ZNF536: variants seen among roughly 807,000 people sequenced by gnomAD.
The protein encoded by ZNF536 is zinc finger protein 536.
ZNF536 carries 13 observed loss-of-function variants against 84.5 expected under a neutral mutation model. That is an observed-to-expected ratio of 0.15 (90% confidence interval 0.10 to 0.24). The LOEUF (loss-of-function observed/expected upper bound fraction) is 0.24, where lower values mean the gene tolerates loss of function less well. ZNF536 is among the 10% of genes least tolerant of loss of function. The pLI, the probability that ZNF536 is intolerant of heterozygous loss-of-function variation, is 1.00. For synonymous variants in ZNF536, 811 were observed against 742.5 expected (o/e 1.09, Z -1.50); for missense variants, 1,536 against 1,747.5 (o/e 0.88, Z 2.16).
intron 1 of ZNF536, among the ~76,000 whole-genome samples, chr19:30,620,612 C>A (rs1326583113): frequency 6.6e-6 from 1 of 152,132 alleles, no homozygotes; most frequent in African/African-American, 2.4e-5. Flanking sequence ...AAATGTCATC[C>A]CCATGTGTTG....
chr19:30,506,742 G>A (rs1395362483), intron 2 of ZNF536, among the ~76,000 whole-genome samples: 1 of 152,122 alleles, frequency 6.6e-6, no homozygotes, highest in Admixed American at 6.5e-5. Context: ...CCACAACTAG[G>A]TTTTATTTTG....
At chr19:30,660,810 G>A (rs921393892) in intron 1 of ZNF536, among the ~76,000 whole-genome samples, 1 of 152,222 alleles carries the variant, frequency 6.6e-6, no homozygotes, top group Non-Finnish European at 1.5e-5. Context: ...CAGATGGTGT[G>A]AGTTTCAGTG....
At chr19:30,660,570 C>T (rs925678880) in intron 1 of ZNF536, among the ~76,000 whole-genome samples, 6 of 152,200 alleles carry the variant, frequency 3.9e-5, no homozygotes, top group Non-Finnish European at 7.3e-5. Flanking sequence ...ATATCTATCA[C>T]CGTTATATTT....
Position 30,691,953 on chromosome 19 carries a change from C to T in ZNF536, c.170-18804C>T, listed in dbSNP as rs548452964. Among the ~76,000 whole-genome samples, 7 of 152,324 alleles carry T rather than the reference C, an allele frequency of 4.6e-5. No individual in the cohort carries two copies. The East Asian group carries it at 1.4e-3, about 29-fold the overall frequency. ...GCATCACCCCTGCCTGCAGCCTCTG[C>T]CCGGGCCTCCACCTCCCCTCCAGAG... On this transcript the variant is annotated intron_variant, in intron 1 of 1. Coordinates refer to the ZNF536 transcript ENST00000592773.
At chr19:30,679,346 C>T (rs1454489502) in intron 1 of ZNF536, among the ~76,000 whole-genome samples, 5 of 152,290 alleles carry the variant, frequency 3.3e-5, no homozygotes, top group African/African-American at 7.2e-5. Context: ...GGCCCTGGGC[C>T]GGGAAGGAAG....
At chr19:30,692,617 C>T (rs2051457840) in intron 1 of ZNF536, among the ~76,000 whole-genome samples, 1 of 152,196 alleles carries the variant, frequency 6.6e-6, no homozygotes, top group African/African-American at 2.4e-5. Flanking sequence ...CTGCCATGGG[C>T]GAAATCCGTC....
intron 2 of ZNF536, among the ~76,000 whole-genome samples, chr19:30,305,449 G>A (rs1274071448): frequency 6.6e-6 from 1 of 152,178 alleles, no homozygotes; most frequent in African/African-American, 2.4e-5. Flanking sequence ...GGCAAATGGA[G>A]GTGTGATCTG....
chr19:30,700,209 T>TTCC (rs879496157), intron 1 of ZNF536, among the ~76,000 whole-genome samples: 2 of 122,188 alleles, frequency 1.6e-5, no homozygotes, highest in African/African-American at 6.4e-5. Flanking sequence ...TCCTTCTTTC[T>TTCC]TTCCTTCTTT....
intron 1 of ZNF536, among the ~76,000 whole-genome samples, chr19:30,642,579 G>A (rs192020322): frequency 6.0e-4 from 91 of 152,332 alleles, no homozygotes; most frequent in African/African-American, 1.9e-3. Context: ...AACTCAAGGC[G>A]TGAGCTGAGC....
chr19:30,278,114 T>C (rs1239943872), intron 1 of ZNF536, among the ~76,000 whole-genome samples: 3 of 152,170 alleles, frequency 2.0e-5, no homozygotes, highest in Non-Finnish European at 4.4e-5. Context: ...CAACTGAGAT[T>C]GAAGGGACAG....
At chr19:30,371,493 CA>C (rs1475976706), upstream of ZNF536, among the ~76,000 whole-genome samples, 1 of 151,834 alleles carries the variant, frequency 6.6e-6, no homozygotes, top group Non-Finnish European at 1.5e-5. Flanking sequence ...GCGTTTGGGC[CA>C]AAAGTCAAGC....
intron 1 of ZNF536, among the ~76,000 whole-genome samples, chr19:30,579,369 T>C (rs2046844130): frequency 6.6e-6 from 1 of 152,192 alleles, no homozygotes; most frequent in Non-Finnish European, 1.5e-5. Context: ...GCTCAACTGA[T>C]CTTCACTGGA....
intron 2 of ZNF536, among the ~76,000 whole-genome samples, chr19:30,483,968 C>T (rs1568475339): frequency 6.6e-6 from 1 of 151,986 alleles, no homozygotes; most frequent in Non-Finnish European, 1.5e-5. Flanking sequence ...TACTGGAAAT[C>T]CCCCTCTACC....
At chr19:30,584,151 G>C (rs2047017380) in intron 1 of ZNF536, among the ~76,000 whole-genome samples, 1 of 152,028 alleles carries the variant, frequency 6.6e-6, no homozygotes, top group African/African-American at 2.4e-5. Flanking sequence ...CTTCCCTCCT[G>C]CCCTCCTATC....
chr19:30,689,171 A>G (rs1239815416), intron 1 of ZNF536, among the ~76,000 whole-genome samples: 1 of 152,210 alleles, frequency 6.6e-6, no homozygotes, highest in Non-Finnish European at 1.5e-5. Context: ...TTAAGAGCTG[A>G]AGGTAGAGAG....
At chr19:30,626,949 G>C (rs1012556265) in intron 1 of ZNF536, among the ~76,000 whole-genome samples, 9 of 152,224 alleles carry the variant, frequency 5.9e-5, no homozygotes, top group African/African-American at 1.9e-4. Context: ...GATATTTTAG[G>C]AATTAGCCAA....
At chr19:30,527,022 G>A (rs1257580726) in intron 2 of ZNF536, among the ~76,000 whole-genome samples, 2 of 151,668 alleles carry the variant, frequency 1.3e-5, no homozygotes, top group Admixed American at 6.6e-5. Context: ...GGGTTCAAGC[G>A]ATTCTCTTAT....
At chr19:30,397,791 C>G (rs930348803) in intron 1 of ZNF536, among the ~76,000 whole-genome samples, 1 of 152,112 alleles carries the variant, frequency 6.6e-6, no homozygotes, top group Non-Finnish European at 1.5e-5. Flanking sequence ...TGAAAAGACC[C>G]TCATCCCTAC....
At chr19:30,376,748 C>G (rs915797142) in intron 1 of ZNF536, among the ~76,000 whole-genome samples, 14 of 152,314 alleles carry the variant, frequency 9.2e-5, no homozygotes, top group Admixed American at 2.0e-4. Flanking sequence ...CTGACACTAC[C>G]CAGCCAGTAT....
Sources: allele counts gnomAD v4.1 joint callset (sites outside exome capture counted in the v4.1 genomes callset), GRCh38; gene constraint gnomAD v4.1.1; transcripts MANE v1.5; gene names NCBI Gene and HGNC (gene_info 2026-07-23, HGNC 2026-07-21).